TP53BP1: variants seen among roughly 807,000 people sequenced by gnomAD.
The protein encoded by TP53BP1 is TP53-binding protein 1.
TP53BP1 carries 61 observed loss-of-function variants against 200.8 expected under a neutral mutation model. That is an observed-to-expected ratio of 0.30 (90% confidence interval 0.25 to 0.38). TP53BP1 has a LOEUF of 0.38. Among genes scored for constraint, TP53BP1 ranks in the 10% least tolerant of loss-of-function variants. TP53BP1 has a pLI of 1.00. For synonymous variants in TP53BP1, 822 were observed against 844.3 expected, an observed-to-expected ratio of 0.97 and a Z score of 0.46; for missense variants, 2,144 against 2,371.9, an observed-to-expected ratio of 0.90 and a Z score of 2.00.
chr15:43,476,136 G>A lies in TP53BP1; in HGVS notation c.956-442C>T, dbSNP rs111570542. ...AAAAATTAGCTGGGCGTGGTGGTAT[G>A]CGCCTGTAATCCCAGCTACTTGGAA... On this transcript the variant is annotated intron_variant, in intron 8 of 27. Coordinates refer to ENST00000382044, the MANE Select transcript of TP53BP1 (RefSeq NM_001141980.3). Among the ~76,000 whole-genome samples, 21 of 152,250 alleles carry A rather than the reference G, an allele frequency of 1.4e-4. No homozygotes were observed. The South Asian group carries it at 3.7e-3, about 27-fold the overall frequency.
intron 24 of TP53BP1, among the ~76,000 whole-genome samples, chr15:43,410,567 G>A (rs370564920): frequency 1.4e-5 from 2 of 146,572 alleles, no homozygotes; most frequent in African/African-American, 4.9e-5. Context: ...AAAAAAAAAA[G>A]AAAAGAAAAG....
intron 4 of TP53BP1, among the ~76,000 whole-genome samples, chr15:43,483,697 A>G (rs689754): frequency 0.25 from 38,410 of 152,226 alleles, 8,104 homozygotes; most frequent in African/African-American, 0.57. Flanking sequence ...CATTATCTAT[A>G]TAACTGGAAG....
chr15:43,446,663 T>A, intron 13 of TP53BP1, 73 bp from the exon 14 acceptor site: 2 of 1,572,608 alleles, frequency 1.3e-6, no homozygotes, highest in South Asian at 2.3e-5. Context: ...CAATTCAAGG[T>A]CATCAATTTG....
chr15:43,493,638 T>G (rs1249931550), upstream of TP53BP1, among the ~76,000 whole-genome samples: 1 of 152,154 alleles, frequency 6.6e-6, no homozygotes, highest in East Asian at 1.9e-4. Context: ...CCTGTGTCAA[T>G]CAGGATCCCT....
At position 43,410,036 on chromosome 15, in the gene TP53BP1, A is replaced by G. The variant is rs146501204; in HGVS notation, c.5306-295T>C. Among the ~76,000 whole-genome samples the G allele has an allele frequency of 2.9e-3, 443 of 152,316 alleles. 1 individual carries two copies. Among genetic ancestry groups the G allele is most frequent in the African/African-American group, 0.01 (419 of 41,570 alleles). ...GACCGTTGATAGGGATGGGAACACA[A>G]TCATTTCCCACAGTGACATATTCCA... On this transcript the variant is annotated intron_variant, in intron 24 of 27. Transcript: ENST00000382044.
rs1381837015 is a variant in TP53BP1 at position 43,408,965 on chromosome 15, C to T, written c.5532G>A (p.Gln1844=). 6.2e-7 allele frequency: 1 copy of T among 1,614,200 alleles called. No individual in the cohort carries two copies. Among genetic ancestry groups the T allele is most frequent in the Admixed American group, 1.7e-5 (1 of 60,024 alleles). Reference sequence around the variant, plus strand: ...ACAGATAATTACGGTAGTTCTGGAGCTGGTTGGCATGGCAACTATCATGGA... The same window carrying T: ...ACAGATAATTACGGTAGTTCTGGAGTTGGTTGGCATGGCAACTATCATGGA... ...VWVHDSCHAN[Q]LQNYRNYLLP... Residue 1844 remains glutamine (Q), a synonymous_variant, in exon 26 of 28, where the codon CAG becomes CAA. Coordinates refer to ENST00000382044, the MANE Select transcript of TP53BP1 (RefSeq NM_001141980.3).
chr15:43,417,066 G>A (rs1365493380), intron 21 of TP53BP1: 1 of 152,224 alleles, frequency 6.6e-6, no homozygotes, highest in Non-Finnish European at 1.5e-5. Flanking sequence ...GCCTAATTCT[G>A]CTGCCACCAA....
At chr15:43,475,825 T>C in intron 8 of TP53BP1, 131 bp from the exon 9 acceptor site, 1 of 1,138,808 alleles carries the variant, frequency 8.8e-7, no homozygotes, top group Non-Finnish European at 1.2e-6. Flanking sequence ...CAGAAATTGT[T>C]TTCTAATTAT....
In TP53BP1 at chr15:43,456,992, T is replaced by C. The variant is rs1424716061; in HGVS notation, c.1616A>G (p.His539Arg). ...GTTTTCTCCATCTTCATCAATTCTG[T>C]GAGAACTCAAGCTCTCCATCTTTGG... ...QSPKMESLSS[H>R]RIDEDGENTQ... The change falls in exon 12 of 28, where the codon CAC becomes CGC. Residue 539 changes from histidine to arginine, a missense_variant. Physicochemically the swap from His to Arg is conservative, Grantham distance 29. Around this residue, in one of 4 missense-constraint regions of TP53BP1, gnomAD observed 1,700 missense variants for 1,710.3 expected, o/e 0.99. Transcript: ENST00000382044. 6.2e-7 allele frequency: 1 copy of C among 1,614,220 alleles called. No individual in the cohort carries two copies.
chr15:43,418,077 G>A (rs559525209), intron 21 of TP53BP1, among the ~76,000 whole-genome samples: 36 of 151,988 alleles, frequency 2.4e-4, no homozygotes, highest in African/African-American at 8.4e-4. Context: ...CTACTTGGGA[G>A]GCTGAGGCAA....
chr15:43,459,612 CAAAAAT>C (rs1484241969), intron 11 of TP53BP1, among the ~76,000 whole-genome samples: 2 of 149,860 alleles, frequency 1.3e-5, no homozygotes, highest in African/African-American at 4.9e-5. Flanking sequence ...TAAAAGAGCT[CAAAAAT>C]AAAAGACCAC....
At chr15:43,460,228 T>C (rs889401060) in intron 11 of TP53BP1, among the ~76,000 whole-genome samples, 2 of 152,298 alleles carry the variant, frequency 1.3e-5, no homozygotes, top group Non-Finnish European at 2.9e-5. Flanking sequence ...ACTCCCAACA[T>C]AGATGGTTAG....
chr15:43,478,252 A>G (rs570721917), intron 7 of TP53BP1, among the ~76,000 whole-genome samples: 3 of 152,300 alleles, frequency 2.0e-5, no homozygotes, highest in East Asian at 3.9e-4. Flanking sequence ...CTTCAGATCA[A>G]TACTAACATG....
At chr15:43,493,580 C>A (rs2079159240), upstream of TP53BP1, among the ~76,000 whole-genome samples, 1 of 152,010 alleles carries the variant, frequency 6.6e-6, no homozygotes, top group Non-Finnish European at 1.5e-5. Flanking sequence ...TACTTCAGAG[C>A]TGGTGAACCC....
intron 4 of TP53BP1, among the ~76,000 whole-genome samples, chr15:43,483,489 G>T (rs1185591752): frequency 6.6e-6 from 1 of 152,146 alleles, no homozygotes; most frequent in African/African-American, 2.4e-5. Context: ...ACAGCAATTA[G>T]CCTCTGGGTG....
At chr15:43,442,441 T>G (rs1037612136) in intron 14 of TP53BP1, among the ~76,000 whole-genome samples, 1 of 152,100 alleles carries the variant, frequency 6.6e-6, no homozygotes, top group Non-Finnish European at 1.5e-5. Flanking sequence ...CAATCAATTT[T>G]CTTTCAAACT....
intron 18 of TP53BP1, among the ~76,000 whole-genome samples, chr15:43,424,498 A>G (rs2045479821): frequency 6.6e-6 from 1 of 152,238 alleles, no homozygotes; most frequent in African/African-American, 2.4e-5. Flanking sequence ...GATCTATCAC[A>G]GAATAGTTGT....
At chr15:43,447,980 G>T (rs1168846588) in intron 12 of TP53BP1, among the ~76,000 whole-genome samples, 1 of 152,144 alleles carries the variant, frequency 6.6e-6, no homozygotes, top group Non-Finnish European at 1.5e-5. Flanking sequence ...TAATCAAAGA[G>T]ATGACAGAGG....
At chr15:43,508,544 G>A (rs981462273) in intron 1 of TP53BP1, among the ~76,000 whole-genome samples, 3 of 152,144 alleles carry the variant, frequency 2.0e-5, no homozygotes, top group Admixed American at 2.0e-4. Flanking sequence ...GAGGTGCAAG[G>A]ATCACTTGAG....
Sources: allele counts gnomAD v4.1 joint callset (sites outside exome capture counted in the v4.1 genomes callset), GRCh38; gene constraint gnomAD v4.1.1; regional missense constraint gnomAD v4.1.1; transcripts MANE v1.5; gene names NCBI Gene and HGNC (gene_info 2026-07-23, HGNC 2026-07-21).